The following ADRA1B variants were observed in gnomAD, a reference collection of about 807,000 sequenced individuals.
The protein encoded by ADRA1B is alpha-1B adrenergic receptor.
In ADRA1B, 17 loss-of-function variants were observed where a neutral mutation model predicts 17.9. The observed-to-expected ratio is 0.95, with a 90% CI of 0.65 to 1.42. The LOEUF is 1.42. Ranked by LOEUF, ADRA1B falls within the 40% of genes most tolerant of loss-of-function variation. ADRA1B has a pLI of 0.00. For missense variants in ADRA1B, 681 were observed against 722.1 expected, an observed-to-expected ratio of 0.94 and a Z score of 0.65; for synonymous variants, 366 against 327.6, an observed-to-expected ratio of 1.12 and a Z score of -1.27.
At chr5:159,983,224 C>T in the ADRA1B span, among the ~76,000 whole-genome samples, 2 of 152,170 alleles carry the variant, frequency 1.3e-5, no homozygotes, top group African/African-American at 2.4e-5. Flanking sequence ...ACTTCCCTAT[C>T]CCAACCAGAT....
intron 1 of ADRA1B, among the ~76,000 whole-genome samples, chr5:159,873,964 G>GT (rs1313599267): frequency 6.6e-6 from 1 of 152,050 alleles, no homozygotes; most frequent in Admixed American, 6.5e-5. Flanking sequence ...CCACCTCTTT[G>GT]TTTTTTTATG....
chr5:159,925,885 A>G (rs547774979), intron 1 of ADRA1B, among the ~76,000 whole-genome samples: 1 of 152,322 alleles, frequency 6.6e-6, no homozygotes, highest in African/African-American at 2.4e-5. Context: ...TTGTGTGGCC[A>G]TGGTGGGGGC....
At chr5:159,923,111 G>C (rs1015813719) in intron 1 of ADRA1B, among the ~76,000 whole-genome samples, 1 of 152,278 alleles carries the variant, frequency 6.6e-6, no homozygotes, top group South Asian at 2.1e-4. Flanking sequence ...AGGCCAGAGA[G>C]AGTGGAGAAC....
chr5:159,939,274 AGAGAGTGTGTGTGTGTGTGTGT>A (rs1755042705), intron 1 of ADRA1B, among the ~76,000 whole-genome samples: 1 of 78,446 alleles, frequency 1.3e-5, no homozygotes, highest in Non-Finnish European at 2.4e-5. Flanking sequence ...AGAGAGAGAG[AGAGAGTGTGTGTGTGTGTGTGT>A]GTGTGTGTGT....
At chr5:159,918,774 A>AG (rs1754398211) in intron 1 of ADRA1B, among the ~76,000 whole-genome samples, 1 of 152,198 alleles carries the variant, frequency 6.6e-6, no homozygotes, top group Non-Finnish European at 1.5e-5. Context: ...GTAAACCTAA[A>AG]GGGGGGCATC....
At chr5:159,916,174 A>G (rs1754296818), upstream of ADRA1B, 1 of 152,104 alleles carries the variant, frequency 6.6e-6, no homozygotes, top group Non-Finnish European at 1.5e-5. Context: ...GGAGCCCCCT[A>G]TTAAAGGTAA....
intron 1 of ADRA1B, among the ~76,000 whole-genome samples, chr5:159,947,216 C>A (rs890000575): frequency 6.6e-6 from 1 of 152,090 alleles, no homozygotes; most frequent in Non-Finnish European, 1.5e-5. Flanking sequence ...GTGTGGATGC[C>A]TGTAATCCCA....
chr5:159,949,785 C>T (rs982015954), intron 1 of ADRA1B, among the ~76,000 whole-genome samples: 4 of 152,212 alleles, frequency 2.6e-5, no homozygotes, highest in Admixed American at 6.5e-5. Flanking sequence ...ACCAGCCTGC[C>T]TCCATTTGTG....
chr5:159,874,792 A>G (rs984162504), intron 1 of ADRA1B, among the ~76,000 whole-genome samples: 2 of 152,236 alleles, frequency 1.3e-5, no homozygotes, highest in African/African-American at 4.8e-5. Flanking sequence ...AGTTGGTCTA[A>G]CAAAGGTCTA....
chr5:159,948,207 T>C, intron 1 of ADRA1B: 1 of 985,436 alleles, frequency 1.0e-6, no homozygotes, highest in Non-Finnish European at 1.2e-6. Context: ...CAACAGGGCT[T>C]CTGGAGTCCT....
At chr5:159,914,714 A>C (rs1754261366), upstream of ADRA1B, among the ~76,000 whole-genome samples, 1 of 152,174 alleles carries the variant, frequency 6.6e-6, no homozygotes, top group Non-Finnish European at 1.5e-5. Context: ...AAATAAAAAG[A>C]GGTTAAGAGC....
chr5:159,974,174 TCA>T (rs1426028042), downstream of ADRA1B, among the ~76,000 whole-genome samples: 1 of 152,132 alleles, frequency 6.6e-6, no homozygotes, highest in Non-Finnish European at 1.5e-5. Context: ...GTCAAGTTAC[TCA>T]CAGTCTCTTA....
At chr5:159,928,880 C>G (rs992383582) in intron 1 of ADRA1B, among the ~76,000 whole-genome samples, 1 of 152,132 alleles carries the variant, frequency 6.6e-6, no homozygotes, top group African/African-American at 2.4e-5. Context: ...CCAACTGGAA[C>G]AGCAACAAAA....
intron 1 of ADRA1B, among the ~76,000 whole-genome samples, chr5:159,879,822 C>G (rs1753836786): frequency 1.3e-5 from 2 of 151,974 alleles, no homozygotes. Flanking sequence ...ATGGTGAGAC[C>G]CTGTCTCTAC....
At chr5:159,985,307 A>C in the ADRA1B span, among the ~76,000 whole-genome samples, 2 of 152,170 alleles carry the variant, frequency 1.3e-5, no homozygotes, top group African/African-American at 2.4e-5. Flanking sequence ...CTGATCTATT[A>C]TTTATTTCTT....
At chr5:159,913,866 C>T (rs1176928942), upstream of ADRA1B, among the ~76,000 whole-genome samples, 4 of 152,100 alleles carry the variant, frequency 2.6e-5, no homozygotes, top group Admixed American at 6.6e-5. Context: ...GGAACTTGCT[C>T]TTTATTTTAT....
At chr5:159,954,524 T>C (rs764294807) in intron 1 of ADRA1B, among the ~76,000 whole-genome samples, 2 of 152,210 alleles carry the variant, frequency 1.3e-5, no homozygotes, top group South Asian at 2.1e-4. Flanking sequence ...AATCACTCCA[T>C]TGCGCTTGGT....
chr5:159,896,579 G>C (rs999775974), intron 1 of ADRA1B, among the ~76,000 whole-genome samples: 1 of 152,198 alleles, frequency 6.6e-6, no homozygotes, highest in African/African-American at 2.4e-5. Context: ...GTGGGCACAG[G>C]TATCCCGTAT....
At chr5:159,890,126 G>T (rs1389351724) in intron 1 of ADRA1B, among the ~76,000 whole-genome samples, 1 of 152,182 alleles carries the variant, frequency 6.6e-6, no homozygotes, top group Non-Finnish European at 1.5e-5. Context: ...AAACCTAGTA[G>T]TAGACACCGA....
Sources: gnomAD v4.1 joint callset for allele counts (sites outside exome capture counted in the v4.1 genomes callset) on GRCh38, gnomAD v4.1.1 for gene constraint, MANE v1.5 for transcripts, NCBI Gene and HGNC (gene_info 2026-07-23, HGNC 2026-07-21) for gene names.